TEX2: variants seen among roughly 807,000 people sequenced by gnomAD.
TEX2 encodes the protein testis expressed 2.
Under a neutral mutation model 106.9 loss-of-function variants are expected in TEX2, and 53 were observed. The observed-to-expected ratio is 0.50, with a 90% CI of 0.40 to 0.62. The LOEUF is 0.62. Among genes scored for constraint, TEX2 ranks in the 20% least tolerant of loss-of-function variants. The pLI is 0.00. For synonymous variants in TEX2, 523 were observed against 534.8 expected (o/e 0.98, Z 0.30); for missense variants, 1,207 against 1,379.0 (o/e 0.88, Z 1.98).
intron 1 of TEX2, among the ~76,000 whole-genome samples, chr17:64,225,439 T>C (rs2033478023): frequency 6.6e-6 from 1 of 152,162 alleles, no homozygotes; most frequent in Admixed American, 6.5e-5. Context: ...ATATTAATAT[T>C]TGAGTTCAGG....
intron 7 of TEX2, among the ~76,000 whole-genome samples, chr17:64,165,318 A>G (rs923912): frequency 0.71 from 108,420 of 152,068 alleles, 38,738 homozygotes; most frequent in East Asian, 0.83. Flanking sequence ...TTTTAGCCTT[A>G]TCTACCTGTA....
intron 1 of TEX2, among the ~76,000 whole-genome samples, chr17:64,226,965 C>T (rs782446729): frequency 2.0e-5 from 3 of 152,182 alleles, no homozygotes; most frequent in Non-Finnish European, 2.9e-5. Context: ...CGGGGGCTCA[C>T]GCCTGTAATC....
chr17:64,240,373 G>A (rs1357387085), intron 1 of TEX2, among the ~76,000 whole-genome samples: 1 of 152,130 alleles, frequency 6.6e-6, no homozygotes, highest in Non-Finnish European at 1.5e-5. Flanking sequence ...CCCTGTCCTG[G>A]CTCAGACACT....
chr17:64,261,552 G>A (rs1361393870), intron 1 of TEX2, among the ~76,000 whole-genome samples: 1 of 151,992 alleles, frequency 6.6e-6, no homozygotes, highest in Non-Finnish European at 1.5e-5. Flanking sequence ...CCAGCCCCTC[G>A]GTTGCTTGTC....
intron 6 of TEX2, among the ~76,000 whole-genome samples, chr17:64,173,944 G>A (rs2031517402): frequency 6.6e-6 from 1 of 152,064 alleles, no homozygotes; most frequent in Admixed American, 6.6e-5. Flanking sequence ...CTCCTGGGGT[G>A]AAGCGATCCT....
At chr17:64,161,234 C>T (rs1348722128) in intron 7 of TEX2, among the ~76,000 whole-genome samples, 2 of 152,256 alleles carry the variant, frequency 1.3e-5, no homozygotes, top group East Asian at 3.9e-4. Flanking sequence ...CTAAAATCTC[C>T]TTGTATTTAG....
Position 64,193,712 on chromosome 17 carries a change from G to A in TEX2, c.2023C>T (p.Gln675Ter). 6.2e-7 allele frequency: 1 copy of A among 1,612,670 alleles called. No homozygotes were observed. The highest frequency in any genetic ancestry group is 8.5e-7 in the Non-Finnish European group (1 of 1,179,276). Residue 675 changes from glutamine (Q) to a stop codon, truncating the protein, a stop_gained, in exon 4 of 12, where the codon CAG becomes TAG. Coordinates refer to ENST00000584379, the MANE Select transcript of TEX2 (RefSeq NM_001288732.2). LOFTEE classifies it high-confidence loss of function. ...SEDPKKPPRP[Q>*]EGTRSSQRDQ... ...CGCTGGCTAGATCTTGTTCCCTCCT[G>A]AGGGCGGGGTGGCTTCTTAGGGTCC...
At chr17:64,237,526 A>G (rs2033796798) in intron 1 of TEX2, among the ~76,000 whole-genome samples, 1 of 152,186 alleles carries the variant, frequency 6.6e-6, no homozygotes, top group South Asian at 2.1e-4. Context: ...AAGGTCAGTT[A>G]GACAATAACA....
At chr17:64,161,086 G>T (rs1380512010) in intron 7 of TEX2, among the ~76,000 whole-genome samples, 153 bp from the exon 8 acceptor site, 1 of 152,156 alleles carries the variant, frequency 6.6e-6, no homozygotes, top group Non-Finnish European at 1.5e-5. Flanking sequence ...AGAGCACATT[G>T]TGCCATCGAC....
chr17:64,178,623 C>T (rs1031734975), intron 5 of TEX2, among the ~76,000 whole-genome samples: 1 of 152,212 alleles, frequency 6.6e-6, no homozygotes, highest in Non-Finnish European at 1.5e-5. Flanking sequence ...GCTGAGGTCT[C>T]TAATTAGACT....
chr17:64,227,535 C>G (rs2143270654), intron 1 of TEX2, among the ~76,000 whole-genome samples: 1 of 152,274 alleles, frequency 6.6e-6, no homozygotes, highest in Middle Eastern at 3.4e-3. Flanking sequence ...TTATTATAAT[C>G]ATTATCTTCA....
At position 64,159,604 on chromosome 17, in the gene TEX2, C is replaced by T. The variant is rs536796410; in HGVS notation, c.2804+1197G>A. Among the ~76,000 whole-genome samples the T allele has an allele frequency of 3.9e-5, 6 of 152,272 alleles. No homozygotes were observed. In the South Asian group the frequency reaches 1.0e-3, roughly 26 times the overall value. On this transcript the variant is annotated intron_variant, in intron 8 of 11. Coordinates refer to ENST00000584379, the MANE Select transcript of TEX2 (RefSeq NM_001288732.2). ...TATGTCCAAGAACGTGATGAAAAGA[C>T]AGGTTTCCTCATGGTTTCACATGGG...
At chr17:64,199,810 G>A (rs2032598292) in intron 2 of TEX2, among the ~76,000 whole-genome samples, 1 of 152,218 alleles carries the variant, frequency 6.6e-6, no homozygotes, top group Admixed American at 6.5e-5. Context: ...GTATATAAGA[G>A]ACAGTTCAGG....
At chr17:64,179,579 G>C (rs2031763869) in intron 5 of TEX2, among the ~76,000 whole-genome samples, 4 of 152,166 alleles carry the variant, frequency 2.6e-5, no homozygotes, top group Admixed American at 1.3e-4. Context: ...CTTGAAGTCA[G>C]TGAGACCACG....
intron 6 of TEX2, among the ~76,000 whole-genome samples, chr17:64,174,914 T>TGTGCAAGGCTGACAA (rs889351546): frequency 2.4e-4 from 37 of 152,210 alleles, no homozygotes; most frequent in Non-Finnish European, 5.9e-5. Flanking sequence ...GTCATGATCA[T>TGTGCAAGGCTGACAA]GTGCAAGGCT....
At chr17:64,233,905 G>C (rs2033711918) in intron 1 of TEX2, among the ~76,000 whole-genome samples, 1 of 152,190 alleles carries the variant, frequency 6.6e-6, no homozygotes, top group African/African-American at 2.4e-5. Context: ...TGCCTGTACT[G>C]TTTGCCCTTG....
intron 2 of TEX2, among the ~76,000 whole-genome samples, chr17:64,203,584 G>C (rs546934457): frequency 6.6e-6 from 1 of 152,116 alleles, no homozygotes; most frequent in African/African-American, 2.4e-5. Flanking sequence ...GCAGGGGTGG[G>C]ACCGTCTAAT....
rs375681831 is a variant in TEX2, at chr17:64,195,135, C to T, written c.1645-40G>A. On this transcript the variant is annotated intron_variant, in intron 2 of 11. Transcript: ENST00000584379. This position sits in a 1 kb window ranked among gnomAD's most constrained non-coding sequence, Gnocchi z 4.1. ...CTTCCATTAGTAATATCAGAATAAT[C>T]GCAAATCTGATTTAGTGTGAAATGA... 4.8e-5 allele frequency: 75 copies of T among 1,574,862 alleles called. No individual in the cohort carries two copies. The highest frequency in any genetic ancestry group is 1.8e-4 in the East Asian group (8 of 44,566).
At chr17:64,261,450 A>G (rs1239003227) in intron 1 of TEX2, among the ~76,000 whole-genome samples, 1 of 152,134 alleles carries the variant, frequency 6.6e-6, no homozygotes, top group Non-Finnish European at 1.5e-5. Context: ...TGCTGTGTCT[A>G]ATCTTCTCTC....
Sources: allele counts gnomAD v4.1 joint callset (sites outside exome capture counted in the v4.1 genomes callset), GRCh38; gene constraint gnomAD v4.1.1; non-coding constraint Gnocchi (gnomAD v3.1); transcripts MANE v1.5; gene names NCBI Gene and HGNC (gene_info 2026-07-23, HGNC 2026-07-21).